Variants in IQGAP3 observed in about 807,000 individuals in gnomAD.
IQGAP3 encodes the protein ras GTPase-activating-like protein IQGAP3.
IQGAP3 carries 165 observed loss-of-function variants against 208.2 expected under a neutral mutation model. The ratio of observed to expected loss-of-function variants is 0.79; its 90% confidence interval spans 0.70 to 0.90. The LOEUF is 0.90. IQGAP3 is among the 40% of genes least tolerant of loss of function. The pLI, the probability that IQGAP3 is intolerant of heterozygous loss-of-function variation, is 0.00. For synonymous variants in IQGAP3, 703 were observed against 803.6 expected (o/e 0.87, Z 2.12); for missense variants, 1,811 against 2,043.1 (o/e 0.89, Z 2.19).
chr1:156,565,884 G>A, intron 4 of IQGAP3, 143 bp downstream of exon 4: 2 of 682,666 alleles, frequency 2.9e-6, no homozygotes, highest in South Asian at 3.5e-5. Context: ...ACACACAGCT[G>A]CAAGGAACTG....
intron 3 of IQGAP3, 106 bp downstream of exon 3, chr1:156,566,284 A>G: frequency 2.3e-6 from 3 of 1,323,628 alleles, no homozygotes; most frequent in Non-Finnish European, 3.2e-6. Context: ...ACTCCCTTTT[A>G]TCCAGATTTG....
rs1044889247 is a variant in IQGAP3 at position 156,537,206 on chromosome 1, T to C, written c.3397A>G (p.Ile1133Val). ...GGAATTTGGTCCACAGATGAGGTGA[T>C]GGCTAAAAGGAACTTATCAGTCATG... The part of the protein sequence containing the change: ...LAMTDKFLLA[I>V]TSSVDQIPYG... The change falls in exon 27 of 38, where the codon ATC becomes GTC. Residue 1133 changes from isoleucine to valine, a missense_variant. Physicochemically the swap from Ile to Val is conservative, Grantham distance 29. Coordinates refer to ENST00000361170, the MANE Select transcript of IQGAP3 (RefSeq NM_178229.5). 13 of 1,613,812 alleles carry C rather than the reference T, an allele frequency of 8.1e-6. No individual in the cohort carries two copies. Among genetic ancestry groups the C allele is most frequent in the African/African-American group, 8.0e-5 (6 of 74,900 alleles).
Position 156,526,400 on chromosome 1 carries a change from G to T in IQGAP3, c.*86C>A, listed in dbSNP as rs996435212. The T allele has an allele frequency of 2.2e-6, 2 of 895,688 alleles. No individual in the cohort carries two copies. Among genetic ancestry groups the T allele is most frequent in the Non-Finnish European group, 3.7e-6 (2 of 539,408 alleles). 55.5% of individuals were successfully genotyped at this position (895,688 alleles called of 1,614,324 possible). On this transcript the variant is annotated 3_prime_UTR_variant, in exon 38 of 38. Transcript: ENST00000361170. ...CCTTGCCCAGTCCTGAGCTCTAGGT[G>T]TCTGCAGGGAAGCACAGTGGTGAGT...
chr1:156,548,207 G>A lies in IQGAP3; in HGVS notation c.2170C>T (p.Gln724Ter), dbSNP rs775400326. The change falls in exon 19 of 38, where the codon CAA (glutamine) becomes TAA (stop). Residue 724 changes from glutamine to a stop codon, truncating the protein, a stop_gained. Coordinates refer to ENST00000361170, the MANE Select transcript of IQGAP3 (RefSeq NM_178229.5). LOFTEE classifies it high-confidence loss of function. ...CCGACGTTGGCTTTCCAGAGCTGTT[G>A]GCGGTCATAGGCAGCAGTGACCTTG... ...VTKVTAAYDR[Q>*]QLWKANVGFV... is the part of the protein sequence containing the mutation. 9.3e-6 allele frequency: 15 copies of A among 1,614,038 alleles called. No individual in the cohort carries two copies. Among genetic ancestry groups the A allele is most frequent in the Non-Finnish European group, 1.3e-5 (15 of 1,180,014 alleles).
chr1:156,535,607 A>T (rs927262217), intron 27 of IQGAP3, among the ~76,000 whole-genome samples: 14 of 152,118 alleles, frequency 9.2e-5, no homozygotes, highest in African/African-American at 3.4e-4. Flanking sequence ...GGCACCATTA[A>T]CCTAAAGCTT....
At chr1:156,541,996 G>A (rs961208244) in intron 22 of IQGAP3, among the ~76,000 whole-genome samples, 1 of 152,190 alleles carries the variant, frequency 6.6e-6, no homozygotes, top group Non-Finnish European at 1.5e-5. Flanking sequence ...AGAAGGTGTA[G>A]GTGGTGAGGG....
rs201658678 is a variant in IQGAP3, at chr1:156,569,442, T to G, written c.59A>C (p.Glu20Ala). Residue 20 changes from glutamate (E) to alanine (A), a missense_variant, in exon 2 of 38, where the codon GAG becomes GCG. Physicochemically the swap from Glu to Ala is moderately radical, Grantham distance 107. Transcript: ENST00000361170. ...ATTCTGCCGCCTCTGCTCATCCATCTCCTCAGCTGTGAGGCGTTCATCTGA... is the reference window on the plus strand; with the variant it reads ...ATTCTGCCGCCTCTGCTCATCCATCGCCTCAGCTGTGAGGCGTTCATCTGA... The part of the protein sequence containing the change: ...WAAYERLTAE[E>A]MDEQRRQNVA... 5.0e-5 allele frequency: 81 copies of G among 1,605,860 alleles called. No homozygotes were observed. Among genetic ancestry groups the G allele is most frequent in the Non-Finnish European group, 6.7e-5 (79 of 1,175,686 alleles).
intron 27 of IQGAP3, among the ~76,000 whole-genome samples, chr1:156,536,278 A>G (rs1674678382): frequency 6.6e-6 from 1 of 152,230 alleles, no homozygotes. Flanking sequence ...TAAAAAATAA[A>G]GAAAAACAAA....
At position 156,538,875 on chromosome 1, in the gene IQGAP3, T is replaced by C. The variant is rs201814035; in HGVS notation, c.3215A>G (p.His1072Arg). Residue 1072 changes from histidine to arginine, a missense_variant, in exon 26 of 38, where the codon CAC (histidine) becomes CGC (arginine). Physicochemically the swap from His to Arg is conservative, Grantham distance 29. Coordinates refer to ENST00000361170, the MANE Select transcript of IQGAP3 (RefSeq NM_178229.5). ...DVLEDKVLSV[H>R]TDPVHLYKNW... Reference sequence around the variant, plus strand: ...CTTATAGAGGTGGACAGGGTCTGTGTGGACGCTGAGCACTTTGTCTTCTAG... The same window carrying C: ...CTTATAGAGGTGGACAGGGTCTGTGCGGACGCTGAGCACTTTGTCTTCTAG... 475 of 1,614,196 alleles carry C rather than the reference T, an allele frequency of 2.9e-4. No individual in the cohort carries two copies. In the Middle Eastern group the frequency reaches 4.3e-3, roughly 15 times the overall value.
In IQGAP3 at chr1:156,563,618, T is replaced by A; in HGVS notation, c.554A>T (p.Gln185Leu). ...CCCGATCTTGCTGAAGGCAGGCAGC[T>A]GGAGGCCATATTTGGCCAGTTCGGA... Reference protein sequence around the residue: ...MASELAKYGLQLPAFSKIGGI... With the variant: ...MASELAKYGLLLPAFSKIGGI... The change falls in exon 7 of 38, where the codon CAG (glutamine) becomes CTG (leucine). Residue 185 changes from glutamine to leucine, a missense_variant. Transcript: ENST00000361170. The A allele has an allele frequency of 6.2e-7, 1 of 1,612,792 alleles. No individual in the cohort carries two copies. The highest frequency in any genetic ancestry group is 8.5e-7 in the Non-Finnish European group (1 of 1,179,738).
chr1:156,537,054 A>T, intron 27 of IQGAP3, 127 bp downstream of exon 27: 1 of 1,009,650 alleles, frequency 9.9e-7, no homozygotes, highest in South Asian at 1.7e-5. Context: ...AACCCCTCTG[A>T]GTACCCCTGG....
Position 156,538,552 on chromosome 1 carries a change from A to G in IQGAP3, c.3281+257T>C, listed in dbSNP as rs118117677. Among the ~76,000 whole-genome samples the G allele has an allele frequency of 2.8e-3, 425 of 152,352 alleles. 12 individuals carry two copies. The East Asian group carries it at 0.075, about 27-fold the overall frequency. ...TGACATAGCAATTAAGCACATTTGC[A>G]TATTCATCTGTACTCATTTTATGTT... On this transcript the variant is annotated intron_variant, in intron 26 of 37. Coordinates refer to ENST00000361170, the MANE Select transcript of IQGAP3 (RefSeq NM_178229.5).
At chr1:156,566,274 A>T in intron 3 of IQGAP3, 116 bp downstream of exon 3, 1 of 1,259,926 alleles carries the variant, frequency 7.9e-7, no homozygotes, top group Non-Finnish European at 1.1e-6. Flanking sequence ...GATTAATAAC[A>T]CTCCCTTTTA....
chr1:156,559,555 G>A (rs529541663), intron 11 of IQGAP3, among the ~76,000 whole-genome samples: 5 of 152,236 alleles, frequency 3.3e-5, no homozygotes, highest in Non-Finnish European at 7.3e-5. Flanking sequence ...CAATGCTATG[G>A]CAGAGCAGGG....
rs368191209 is a variant in IQGAP3 at position 156,530,146 on chromosome 1, C to A, written c.4363G>T (p.Ala1455Ser). 1.9e-6 allele frequency: 3 copies of A among 1,608,980 alleles called. No homozygotes were observed. The highest frequency in any genetic ancestry group is 2.5e-6 in the Non-Finnish European group (3 of 1,177,876). ...ACTAGCCCCTGGTAGCCATTTCTGG[C>A]GCTGACCAACCCCAGGGCTTCAAGT... ...RRLEALGLVS[A>S]RNGYQGLVDE... is the part of the protein sequence containing the mutation. The change falls in exon 34 of 38, where the codon GCC becomes TCC. Residue 1455 changes from alanine to serine, a missense_variant. Transcript: ENST00000361170.
In IQGAP3 at chr1:156,530,306, G is replaced by T; in HGVS notation, c.4203C>A (p.His1401Gln). 1 of 1,608,144 alleles carries T rather than the reference G, an allele frequency of 6.2e-7. No individual in the cohort carries two copies. The change falls in exon 34 of 38, where the codon CAC becomes CAA. Residue 1401 changes from histidine to glutamine, a missense_variant. By Grantham distance (24) the His-to-Gln change is conservative (BLOSUM62 0). Coordinates refer to ENST00000361170, the MANE Select transcript of IQGAP3 (RefSeq NM_178229.5). ...LSASREQEAA[H>Q]KQLMSRRQAC... ...CCTGGCGTCGGCTCATCAGCTGCTT[G>T]TGGGCTGCTTCCTGGGGACACACAG...
intron 9 of IQGAP3, 119 bp downstream of exon 9, chr1:156,562,468 G>T (rs1676200769): frequency 1.2e-6 from 1 of 801,626 alleles, no homozygotes; most frequent in Non-Finnish European, 2.2e-6. Flanking sequence ...TCCGAGGCAA[G>T]AGTTGGCCCA....
chr1:156,547,689 T>C (rs1183743570), intron 19 of IQGAP3, among the ~76,000 whole-genome samples: 1 of 152,174 alleles, frequency 6.6e-6, no homozygotes, highest in Non-Finnish European at 1.5e-5. Context: ...ACGATAATGA[T>C]ATAAATAGCA....
chr1:156,544,059 A>C lies in IQGAP3; in HGVS notation c.2461-9T>G. 2 of 1,614,182 alleles carry C rather than the reference A, an allele frequency of 1.2e-6. No homozygotes were observed. Among genetic ancestry groups the C allele is most frequent in the Non-Finnish European group, 1.7e-6 (2 of 1,180,012 alleles). On this transcript the variant is annotated splice_polypyrimidine_tract_variant and intron_variant, in intron 21 of 37. Coordinates refer to ENST00000361170, the MANE Select transcript of IQGAP3 (RefSeq NM_178229.5). ...TTCACAATGGAGTTAACCTGCCACA[A>C]ACACAGATTGGAAAAGGGTTGCTGG...
Sources: allele counts gnomAD v4.1 joint callset (sites outside exome capture counted in the v4.1 genomes callset), GRCh38; gene constraint gnomAD v4.1.1; transcripts MANE v1.5; gene names NCBI Gene and HGNC (gene_info 2026-07-23, HGNC 2026-07-21).